TJP1: variants seen among roughly 807,000 people sequenced by gnomAD.
TJP1 encodes the protein tight junction protein 1.
TJP1 carries 43 observed loss-of-function variants against 194.2 expected under a neutral mutation model. That is an observed-to-expected ratio of 0.22 (90% CI 0.17 to 0.29). TJP1 has a LOEUF of 0.29. Among genes scored for constraint, TJP1 ranks in the 10% least tolerant of loss-of-function variants. The pLI is 1.00. For missense variants in TJP1, 1,971 were observed against 2,185.7 expected, an observed-to-expected ratio of 0.90 and a Z score of 1.96; for synonymous variants, 801 against 779.0, an observed-to-expected ratio of 1.03 and a Z score of -0.47.
intron 23 of TJP1, among the ~76,000 whole-genome samples, chr15:29,713,162 C>G (rs1443555603): frequency 6.6e-6 from 1 of 152,178 alleles, no homozygotes; most frequent in African/African-American, 2.4e-5. Flanking sequence ...TTTATTGAGA[C>G]CTGGAAGTCT....
Position 29,870,852 on chromosome 15 carries a change from A to AAAGAG in TJP1, c.307-70155_307-70151dup, listed in dbSNP as rs541342352. Among the ~76,000 whole-genome samples the AAAGAG allele has an allele frequency of 1.9e-3, 285 of 152,342 alleles. 1 individual carries two copies. The highest frequency in any genetic ancestry group is 6.4e-3 in the African/African-American group (267 of 41,576). Reference sequence around the variant, plus strand: ...CCAATTTTAAACAGAGGGCCAATGCAAAGAGAAGAGAAGATAAAGGACATT... The same window carrying AAAGAG: ...CCAATTTTAAACAGAGGGCCAATGCAAAGAGAAGAGAAGAGAAGATAAAGGACATT... On this transcript the variant is annotated intron_variant, in intron 2 of 28. Coordinates refer to the TJP1 transcript ENST00000356107.
intron 1 of TJP1, among the ~76,000 whole-genome samples, chr15:29,956,732 T>TA (rs931568341): frequency 2.0e-5 from 3 of 152,012 alleles, no homozygotes; most frequent in African/African-American, 7.3e-5. Context: ...CACACACGAA[T>TA]AAAAAAATTA....
At chr15:29,802,175 AG>A (rs1368841947) in intron 1 of TJP1, among the ~76,000 whole-genome samples, 1 of 152,200 alleles carries the variant, frequency 6.6e-6, no homozygotes, top group Non-Finnish European at 1.5e-5. Context: ...TAAAGTAAAA[AG>A]GGAGAAGGCT....
chr15:29,949,850 ACCTCCACAACCACCACCT>A, intron 2 of TJP1, among the ~76,000 whole-genome samples: 1 of 63,684 alleles, frequency 1.6e-5, no homozygotes, highest in Non-Finnish European at 2.9e-5. Context: ...CACAACCACC[ACCTCCACAACCACCACCT>A]CCACCTCCAC....
At chr15:29,830,683 A>G (rs543281886) in intron 2 of TJP1, among the ~76,000 whole-genome samples, 2 of 151,296 alleles carry the variant, frequency 1.3e-5, no homozygotes, top group African/African-American at 4.8e-5. Context: ...CTCAGCATTA[A>G]TTTTTTTTTA....
intron 8 of TJP1, among the ~76,000 whole-genome samples, chr15:29,746,748 T>C (rs2044811233): frequency 6.6e-6 from 1 of 152,164 alleles, no homozygotes; most frequent in East Asian, 1.9e-4. Flanking sequence ...GTAGTCTCTT[T>C]TCAGGAAAAG....
intron 1 of TJP1, among the ~76,000 whole-genome samples, chr15:29,819,175 C>T (rs769925440): frequency 2.6e-5 from 4 of 152,078 alleles, no homozygotes; most frequent in Non-Finnish European, 5.9e-5. Context: ...TTTTATTGCT[C>T]TTTGTCATTT....
intron 9 of TJP1, 24 bp downstream of exon 9, chr15:29,742,605 CAAATGTTTCTTGA>C (rs2044496441): frequency 6.6e-7 from 1 of 1,509,272 alleles, no homozygotes; most frequent in African/African-American, 1.4e-5. Context: ...ACTCTACTTG[CAAATGTTTCTTGA>C]ACTTAGTGTT....
intron 2 of TJP1, among the ~76,000 whole-genome samples, chr15:29,795,284 C>T (rs2048332776): frequency 6.6e-6 from 1 of 151,678 alleles, no homozygotes; most frequent in Non-Finnish European, 1.5e-5. Context: ...ACTAGCCAGG[C>T]TGGTGGTGCA....
intron 2 of TJP1, among the ~76,000 whole-genome samples, chr15:29,884,872 A>G (rs16954788): frequency 1.2e-3 from 187 of 152,334 alleles, no homozygotes; most frequent in African/African-American, 4.2e-3. Flanking sequence ...GATGACCCAG[A>G]TGACTTCACA....
At chr15:29,928,213 A>G (rs1244312576) in intron 2 of TJP1, among the ~76,000 whole-genome samples, 1 of 152,190 alleles carries the variant, frequency 6.6e-6, no homozygotes, top group East Asian at 1.9e-4. Flanking sequence ...ATTCAACAAG[A>G]TAAAAGATGA....
intron 1 of TJP1, among the ~76,000 whole-genome samples, chr15:29,820,037 T>C (rs374715525): frequency 3.3e-5 from 5 of 152,138 alleles, no homozygotes; most frequent in African/African-American, 4.8e-5. Context: ...AGCATATTCA[T>C]AGGATGACAA....
At chr15:29,846,727 C>G (rs1465100191) in intron 2 of TJP1, among the ~76,000 whole-genome samples, 1 of 151,988 alleles carries the variant, frequency 6.6e-6, no homozygotes, top group Non-Finnish European at 1.5e-5. Context: ...AGATCGAGAC[C>G]ATCCTGGCTG....
intron 12 of TJP1, 41 bp downstream of exon 12, chr15:29,734,233 C>T: frequency 7.2e-7 from 1 of 1,392,382 alleles, no homozygotes; most frequent in Non-Finnish European, 9.9e-7. Context: ...AGTCCTCAAA[C>T]TCTACAGGTT....
chr15:29,902,556 T>C (rs2152201224), intron 2 of TJP1, among the ~76,000 whole-genome samples: 1 of 152,324 alleles, frequency 6.6e-6, no homozygotes, highest in Non-Finnish European at 1.5e-5. Context: ...GATGTTCCTT[T>C]TTTGTCATGA....
rs199932396 is a variant in TJP1 at position 29,766,387 on chromosome 15, C to T, written c.468G>A (p.Pro156=). Residue 156 remains proline (P), a synonymous_variant, in exon 5 of 28, where the codon CCG becomes CCA. Transcript: ENST00000614355. ...VVNRRSEKIW[P]RDRSASRERS... ...TCTCTCTACTTGCACTTCTATCCCT[C>T]GGCCAAATCTTCTCACTCCTTCTGT... 9 of 1,614,156 alleles carry T rather than the reference C, an allele frequency of 5.6e-6. No homozygotes were observed. The highest frequency in any genetic ancestry group is 2.2e-5 in the South Asian group (2 of 91,076).
chr15:29,889,181 C>T (rs2053223927), intron 2 of TJP1, among the ~76,000 whole-genome samples: 1 of 152,128 alleles, frequency 6.6e-6, no homozygotes, highest in African/African-American at 2.4e-5. Flanking sequence ...TATAATATTC[C>T]AGGGGTCCTG....
chr15:29,777,380 G>C (rs1288506414), intron 2 of TJP1, among the ~76,000 whole-genome samples: 1 of 152,084 alleles, frequency 6.6e-6, no homozygotes, highest in African/African-American at 2.4e-5. Context: ...TGAATAAAAA[G>C]AGTTTTGCCC....
chr15:29,733,773 T>C (rs1264242030), intron 12 of TJP1, among the ~76,000 whole-genome samples: 1 of 152,190 alleles, frequency 6.6e-6, no homozygotes, highest in Non-Finnish European at 1.5e-5. Flanking sequence ...GGAATGCCCC[T>C]AAACATCCAC....
Sources: allele counts gnomAD v4.1 joint callset (sites outside exome capture counted in the v4.1 genomes callset), GRCh38; gene constraint gnomAD v4.1.1; transcripts MANE v1.5; gene names NCBI Gene and HGNC (gene_info 2026-07-23, HGNC 2026-07-21).